The following TCERG1L variants were observed in gnomAD, a reference collection of about 807,000 sequenced individuals.
The protein encoded by TCERG1L is transcription elongation regulator 1 like.
Under a neutral mutation model 56.3 loss-of-function variants are expected in TCERG1L, and 37 were observed. The ratio of observed to expected loss-of-function variants is 0.66; its 90% CI spans 0.51 to 0.87. The LOEUF (loss-of-function observed/expected upper bound fraction) is 0.87. Ranked by LOEUF, TCERG1L falls within the 40% of genes least tolerant of loss-of-function variation. The pLI is 0.00. For synonymous variants in TCERG1L, 324 were observed against 326.3 expected (o/e 0.99, Z 0.08); for missense variants, 799 against 774.2 (o/e 1.03, Z -0.38).
At chr10:131,303,179 C>T (rs565102886) in intron 3 of TCERG1L, among the ~76,000 whole-genome samples, 1 of 152,184 alleles carries the variant, frequency 6.6e-6, no homozygotes, top group Non-Finnish European at 1.5e-5. Flanking sequence ...ATTTCTGGTT[C>T]TAGATCCTTG....
At chr10:131,251,048 A>T (rs1846104885) in intron 4 of TCERG1L, among the ~76,000 whole-genome samples, 1 of 152,058 alleles carries the variant, frequency 6.6e-6, no homozygotes, top group African/African-American at 2.4e-5. Flanking sequence ...TTGTCGGAAC[A>T]TCATCACGCT....
Position 131,225,908 on chromosome 10 carries a change from C to T in TCERG1L, c.856+34351G>A, listed in dbSNP as rs1415997284. Among the ~76,000 whole-genome samples, 8 of 152,318 alleles carry T rather than the reference C, an allele frequency of 5.3e-5. No homozygotes were observed. The South Asian group carries it at 8.3e-4, about 16-fold the overall frequency. On this transcript the variant is annotated intron_variant, in intron 4 of 11. Transcript: ENST00000368642. ...GAAAAATACACATCTCAGAGCAGCACGCCCTAGACGCCAGGGTCAATTTCC... is the reference window on the plus strand; with the variant it reads ...GAAAAATACACATCTCAGAGCAGCATGCCCTAGACGCCAGGGTCAATTTCC...
At chr10:131,241,939 C>G (rs1037378480) in intron 4 of TCERG1L, among the ~76,000 whole-genome samples, 1 of 151,970 alleles carries the variant, frequency 6.6e-6, no homozygotes, top group Non-Finnish European at 1.5e-5. Flanking sequence ...CTCAGTGAGT[C>G]TCTCTCATGG....
intron 11 of TCERG1L, 31 bp from the exon 12 acceptor site, chr10:131,093,349 T>C: frequency 6.2e-7 from 1 of 1,609,746 alleles, no homozygotes; most frequent in Non-Finnish European, 8.5e-7. Context: ...TGAGACACCT[T>C]CCAGAGAGCA....
At chr10:131,226,671 T>C (rs140178580) in intron 4 of TCERG1L, among the ~76,000 whole-genome samples, 37 of 152,252 alleles carry the variant, frequency 2.4e-4, no homozygotes, top group African/African-American at 7.9e-4. Context: ...CCAAATCCAA[T>C]TGAAAGACAT....
intron 10 of TCERG1L, among the ~76,000 whole-genome samples, chr10:131,100,419 C>T (rs967773120): frequency 2.0e-5 from 3 of 152,212 alleles, no homozygotes; most frequent in Admixed American, 1.3e-4. Context: ...AAATGCTTCT[C>T]TCTTTCCTCT....
intron 8 of TCERG1L, among the ~76,000 whole-genome samples, chr10:131,125,724 A>G (rs1845559207): frequency 6.6e-6 from 1 of 152,224 alleles, no homozygotes; most frequent in Non-Finnish European, 1.5e-5. Flanking sequence ...GTGGATGGTC[A>G]GGATTCACAG....
At chr10:131,130,082 A>G (rs1845601500) in intron 8 of TCERG1L, among the ~76,000 whole-genome samples, 1 of 141,510 alleles carries the variant, frequency 7.1e-6, no homozygotes, top group African/African-American at 2.7e-5. Flanking sequence ...AGACTGGGTG[A>G]TTTATAAAAA....
intron 4 of TCERG1L, among the ~76,000 whole-genome samples, chr10:131,181,756 C>A (rs1235914992): frequency 3.9e-5 from 6 of 152,268 alleles, no homozygotes; most frequent in African/African-American, 1.4e-4. Context: ...CACTCAGCTC[C>A]TCTGGGTCCA....
At chr10:131,200,136 A>G (rs2133472833) in intron 4 of TCERG1L, among the ~76,000 whole-genome samples, 1 of 152,266 alleles carries the variant, frequency 6.6e-6, no homozygotes, top group African/African-American at 2.4e-5. Flanking sequence ...TCACTCTGAA[A>G]CGATTCCAGC....
intron 4 of TCERG1L, among the ~76,000 whole-genome samples, chr10:131,220,929 G>A (rs1845724751): frequency 6.6e-6 from 1 of 152,222 alleles, no homozygotes; most frequent in Non-Finnish European, 1.5e-5. Flanking sequence ...CACCATCCAG[G>A]GGCAATGAGC....
chr10:131,143,479 C>T (rs1845760162), intron 7 of TCERG1L, among the ~76,000 whole-genome samples: 1 of 152,142 alleles, frequency 6.6e-6, no homozygotes, highest in African/African-American at 2.4e-5. Context: ...ACAATTCCCA[C>T]CAGGCTGCAC....
chr10:131,155,190 A>C (rs1458897715), intron 6 of TCERG1L, among the ~76,000 whole-genome samples: 1 of 152,190 alleles, frequency 6.6e-6, no homozygotes, highest in Non-Finnish European at 1.5e-5. Flanking sequence ...TGAAAACAAA[A>C]TTCCCCTTGC....
chr10:131,172,319 C>G (rs1421234566), intron 4 of TCERG1L, among the ~76,000 whole-genome samples: 2 of 152,020 alleles, frequency 1.3e-5, no homozygotes, highest in Admixed American at 1.3e-4. Context: ...GAGGGGAACC[C>G]AGGGAAGTGA....
At chr10:131,273,510 T>C (rs991738471) in intron 3 of TCERG1L, among the ~76,000 whole-genome samples, 4 of 152,190 alleles carry the variant, frequency 2.6e-5, no homozygotes, top group Admixed American at 1.3e-4. Flanking sequence ...GCTTTGGGAA[T>C]TGTCATTTAA....
At chr10:131,298,398 G>C (rs1846721101) in intron 3 of TCERG1L, among the ~76,000 whole-genome samples, 1 of 151,974 alleles carries the variant, frequency 6.6e-6, no homozygotes, top group South Asian at 2.1e-4. Context: ...ATTTTGTTGT[G>C]GTCGGAAAAT....
intron 4 of TCERG1L, among the ~76,000 whole-genome samples, chr10:131,182,484 T>A (rs1376620215): frequency 2.0e-5 from 3 of 152,264 alleles, no homozygotes; most frequent in African/African-American, 7.2e-5. Context: ...CATCCTAATC[T>A]GACCCATCTG....
At chr10:131,284,265 T>G (rs1455277205) in intron 3 of TCERG1L, among the ~76,000 whole-genome samples, 1 of 151,974 alleles carries the variant, frequency 6.6e-6, no homozygotes, top group Non-Finnish European at 1.5e-5. Context: ...AAATTTTAAA[T>G]CTGCATACAT....
chr10:131,163,080 C>T, intron 6 of TCERG1L, 42 bp downstream of exon 6: 2 of 1,447,550 alleles, frequency 1.4e-6, no homozygotes, highest in Non-Finnish European at 9.2e-7. Flanking sequence ...CAGGACCAGA[C>T]AACGCCATTG....
Sources: allele counts gnomAD v4.1 joint callset (sites outside exome capture counted in the v4.1 genomes callset), GRCh38; gene constraint gnomAD v4.1.1; transcripts MANE v1.5; gene names NCBI Gene and HGNC (gene_info 2026-07-23, HGNC 2026-07-21).